The following MLXIPL variants were observed in gnomAD, a reference collection of about 807,000 sequenced individuals.
MLXIPL encodes carbohydrate-responsive element-binding protein.
A neutral mutation model predicts 81.5 loss-of-function variants in MLXIPL; 49 were observed. That is an observed-to-expected ratio of 0.60 (90% CI 0.48 to 0.76). The LOEUF (loss-of-function observed/expected upper bound fraction) is 0.76, where lower values mean the gene tolerates loss of function less well. Ranked by LOEUF, MLXIPL falls within the 30% of genes least tolerant of loss-of-function variation. MLXIPL has a pLI of 0.00. For missense variants in MLXIPL, 1,053 were observed against 1,167.0 expected, an observed-to-expected ratio of 0.90 and a Z score of 1.42; for synonymous variants, 466 against 485.5, an observed-to-expected ratio of 0.96 and a Z score of 0.53.
chr7:73,603,330 C>T (rs782615619), intron 7 of MLXIPL, among the ~76,000 whole-genome samples: 1 of 152,200 alleles, frequency 6.6e-6, no homozygotes, highest in Non-Finnish European at 1.5e-5. Context: ...TGCCAGACAT[C>T]GCCTCCTAGC....
chr7:73,646,332 A>G, the MLXIPL span, among the ~76,000 whole-genome samples: 12 of 152,138 alleles, frequency 7.9e-5, no homozygotes, highest in African/African-American at 2.9e-4. Context: ...ATCCCACTCT[A>G]CAGCCTGCAG....
chr7:73,643,071 A>G, the MLXIPL span, among the ~76,000 whole-genome samples: 1 of 152,102 alleles, frequency 6.6e-6, no homozygotes, highest in Non-Finnish European at 1.5e-5. Flanking sequence ...GACCACAAAT[A>G]TATTTCCCCT....
intron 8 of MLXIPL, 38 bp from the exon 9 acceptor site, chr7:73,597,751 G>A: frequency 7.6e-7 from 1 of 1,315,154 alleles, no homozygotes; most frequent in Non-Finnish European, 9.7e-7. Flanking sequence ...GAGAGCAGGG[G>A]AGAGAGCTGC....
the MLXIPL span, among the ~76,000 whole-genome samples, chr7:73,640,416 G>T: frequency 7.1e-6 from 1 of 141,188 alleles, no homozygotes; most frequent in African/African-American, 2.7e-5. Context: ...AAAAAAAAAA[G>T]AAAAAGAAAA....
chr7:73,602,122 GCCTGCCTGCCTTCCTTCCTT>G (rs1794895693), intron 7 of MLXIPL, among the ~76,000 whole-genome samples: 62 of 59,662 alleles, frequency 1.0e-3, no homozygotes, highest in African/African-American at 3.7e-3. Flanking sequence ...CTGCCTGCCT[GCCTGCCTGCCTTCCTTCCTT>G]CCTTCCTTCC....
upstream of MLXIPL, chr7:73,624,686 C>CGG: frequency 2.6e-6 from 3 of 1,147,356 alleles, no homozygotes; most frequent in Non-Finnish European, 3.4e-6. Flanking sequence ...GGAGCTCTGG[C>CGG]GGGTTGGCCC....
rs1394650344 is a variant in MLXIPL at position 73,623,851 on chromosome 7, C to G, written c.293+349G>C. On this transcript the variant is annotated intron_variant, in intron 1 of 16. Coordinates refer to ENST00000313375, the MANE Select transcript of MLXIPL (RefSeq NM_032951.3). This position sits in a 1 kb window ranked among gnomAD's most constrained non-coding sequence, Gnocchi z 5.7. ...GGATGGGCGCGGGTGGCCTAGGGAC[C>G]AGGGGCGCCTGGCATTTTTGTAGGG... 6.6e-6 allele frequency among the ~76,000 whole-genome samples: 1 copy of G among 151,756 alleles called. No homozygotes were observed. Among genetic ancestry groups the G allele is most frequent in the East Asian group, 2.0e-4 (1 of 5,116 alleles).
intron 8 of MLXIPL, among the ~76,000 whole-genome samples, chr7:73,598,226 G>A (rs1471715780): frequency 7.2e-5 from 11 of 151,756 alleles, no homozygotes; most frequent in South Asian, 4.2e-4. Flanking sequence ...CCATCCATCC[G>A]TCTTCCATCC....
intron 2 of MLXIPL, among the ~76,000 whole-genome samples, chr7:73,612,024 G>A (rs1795717360): frequency 6.6e-6 from 1 of 151,714 alleles, no homozygotes; most frequent in Non-Finnish European, 1.5e-5. Context: ...ATGAACACCA[G>A]CAAAGATGAA....
intron 4 of MLXIPL, 66 bp from the exon 5 acceptor site, chr7:73,607,084 G>T: frequency 6.3e-7 from 1 of 1,577,236 alleles, no homozygotes; most frequent in South Asian, 1.1e-5. Flanking sequence ...TCCCCCCAAA[G>T]TCTCCTCTAC....
intron 2 of MLXIPL, among the ~76,000 whole-genome samples, chr7:73,612,502 C>T (rs572196098): frequency 2.6e-5 from 4 of 151,414 alleles, no homozygotes; most frequent in African/African-American, 7.3e-5. Context: ...ATTAGCCGGG[C>T]GTGGTGGTGC....
At chr7:73,634,892 T>C in the MLXIPL span, among the ~76,000 whole-genome samples, 2 of 150,958 alleles carry the variant, frequency 1.3e-5, no homozygotes, top group Non-Finnish European at 2.9e-5. Context: ...CTTGGCTCAC[T>C]GCAACCTCTA....
intron 7 of MLXIPL, 138 bp downstream of exon 7, chr7:73,605,546 AAAAT>A (rs1360824448): frequency 1.5e-4 from 120 of 775,518 alleles, no homozygotes; most frequent in Middle Eastern, 3.7e-4. Context: ...ATGCCATCTC[AAAAT>A]AAATAAATAA....
chr7:73,615,031 C>T (rs111894041), intron 2 of MLXIPL, among the ~76,000 whole-genome samples: 3,830 of 152,162 alleles, frequency 0.025, 197 homozygotes, highest in African/African-American at 0.088. Context: ...AGGATGGTCT[C>T]GATCTCCTGA....
the MLXIPL span, among the ~76,000 whole-genome samples, chr7:73,644,563 T>C: frequency 7.2e-5 from 11 of 152,326 alleles, no homozygotes; most frequent in Non-Finnish European, 1.5e-5. Flanking sequence ...GTGCAGTTGT[T>C]GCAAAGATGA....
In MLXIPL at chr7:73,597,626, G is replaced by T; in HGVS notation, c.1159C>A (p.Pro387Thr). 1 of 1,350,996 alleles carries T rather than the reference G, an allele frequency of 7.4e-7. No homozygotes were observed. The highest frequency in any genetic ancestry group is 2.7e-5 in the East Asian group (1 of 36,896). The allele number at this position is 1,350,996 out of a possible 1,614,324, so 83.7% of individuals were successfully genotyped here. Residue 387 changes from proline to threonine, a missense_variant, in exon 9 of 17, where the codon CCA becomes ACA. Pro to Thr is a conservative substitution (Grantham distance 38). Coordinates refer to ENST00000313375, the MANE Select transcript of MLXIPL (RefSeq NM_032951.3). ...AGAGGTGGGGGTACAGGAGGGGGTG[G>T]GAGCCGGGGCTTGGGGTCTTCAGGA... ...LLPEDPKPRL[P>T]PPPVPPPLLH...
chr7:73,593,672 A>T lies in MLXIPL; in HGVS notation c.*193T>A. ...CGGTGCTGGAGCACAGTGGCAGAGC[A>T]GGGACGGGGACTCTGCTCTTCTTGA... On this transcript the variant is annotated 3_prime_UTR_variant, in exon 17 of 17. Coordinates refer to ENST00000313375, the MANE Select transcript of MLXIPL (RefSeq NM_032951.3). 1 of 589,618 alleles carries T rather than the reference A, an allele frequency of 1.7e-6. No individual in the cohort carries two copies. The highest frequency in any genetic ancestry group is 3.1e-6 in the Non-Finnish European group (1 of 325,662). 36.5% of individuals were successfully genotyped at this position (589,618 alleles called of 1,614,324 possible).
At chr7:73,602,211 CTCTT>C (rs10653440) in intron 7 of MLXIPL, among the ~76,000 whole-genome samples, 17 of 133,200 alleles carry the variant, frequency 1.3e-4, no homozygotes, top group African/African-American at 2.3e-4. Flanking sequence ...CTCTCTTTCT[CTCTT>C]TCTTTCTTTT....
intron 2 of MLXIPL, among the ~76,000 whole-genome samples, chr7:73,613,213 G>A (rs1795808225): frequency 6.6e-6 from 1 of 152,184 alleles, no homozygotes; most frequent in South Asian, 2.1e-4. Context: ...AGGAGGAGGG[G>A]TCTTGACATT....
Sources: allele counts gnomAD v4.1 joint callset (sites outside exome capture counted in the v4.1 genomes callset), GRCh38; gene constraint gnomAD v4.1.1; non-coding constraint Gnocchi (gnomAD v3.1); transcripts MANE v1.5; gene names NCBI Gene and HGNC (gene_info 2026-07-23, HGNC 2026-07-21).